Variants in NPAS3 observed in about 807,000 individuals in gnomAD.
NPAS3 encodes the protein neuronal PAS domain-containing protein 3.
Under a neutral mutation model 73.1 loss-of-function variants are expected in NPAS3, and 14 were observed. The observed-to-expected ratio is 0.19, with a 90% CI of 0.13 to 0.30. NPAS3 has a LOEUF of 0.30. NPAS3 is among the 10% of genes least tolerant of loss of function. The pLI, the probability that NPAS3 is intolerant of heterozygous loss-of-function variation, is 1.00. For synonymous variants in NPAS3, 620 were observed against 541.5 expected, an observed-to-expected ratio of 1.14 and a Z score of -2.01; for missense variants, 1,096 against 1,250.0, an observed-to-expected ratio of 0.88 and a Z score of 1.86.
chr14:33,486,802 A>C (rs1303248782), intron 4 of NPAS3, among the ~76,000 whole-genome samples: 2 of 152,108 alleles, frequency 1.3e-5, no homozygotes, highest in Non-Finnish European at 2.9e-5. Context: ...CTAACCTTTA[A>C]ACTATTAGTT....
intron 5 of NPAS3, among the ~76,000 whole-genome samples, chr14:33,660,429 C>T (rs1417661866): frequency 6.6e-6 from 1 of 152,168 alleles, no homozygotes; most frequent in East Asian, 1.9e-4. Flanking sequence ...CAAAAGTTGC[C>T]CGTAAATCCC....
chr14:33,543,946 CATATATATATATAT>C lies in NPAS3; in HGVS notation c.469-16132_469-16119del, dbSNP rs35154724. 6.1e-3 allele frequency among the ~76,000 whole-genome samples: 634 copies of C among 104,728 alleles called. 3 individuals carry two copies. The highest frequency in any genetic ancestry group is 0.01 in the Admixed American group (97 of 9,544). 68.7% of individuals were successfully genotyped at this position (104,728 alleles called of 152,430 possible). A position where few individuals can be genotyped will look rare whatever the true frequency, so the allele number is the denominator to read the frequency against. On this transcript the variant is annotated intron_variant, in intron 4 of 11. Transcript: ENST00000356141. ...CATCTCAGACAGGTATGGCAAAGTG[CATATATATATATAT>C]ATATATATATATATATATATATATA...
At chr14:33,622,873 C>A (rs1325858825) in intron 5 of NPAS3, among the ~76,000 whole-genome samples, 1 of 152,088 alleles carries the variant, frequency 6.6e-6, no homozygotes, top group South Asian at 2.1e-4. Context: ...AGTAATTCTA[C>A]TTGCCCGGCA....
At chr14:33,325,776 C>A (rs900404381) in intron 3 of NPAS3, among the ~76,000 whole-genome samples, 7 of 151,072 alleles carry the variant, frequency 4.6e-5, no homozygotes, top group African/African-American at 1.7e-4. Context: ...TATTTCTGCC[C>A]CCAGCTCCTC....
chr14:33,324,120 A>G (rs2043582696), intron 3 of NPAS3, among the ~76,000 whole-genome samples: 1 of 152,202 alleles, frequency 6.6e-6, no homozygotes, highest in Non-Finnish European at 1.5e-5. Context: ...AGTTTGATAA[A>G]TTAGGAATGA....
At chr14:33,731,714 T>G (rs1000617321) in intron 6 of NPAS3, among the ~76,000 whole-genome samples, 1 of 152,214 alleles carries the variant, frequency 6.6e-6, no homozygotes, top group Admixed American at 6.5e-5. Flanking sequence ...TGGTGGCATT[T>G]GCCAACATAA....
chr14:32,969,398 C>G (rs2037328169), intron 1 of NPAS3, among the ~76,000 whole-genome samples: 1 of 152,044 alleles, frequency 6.6e-6, no homozygotes, highest in African/African-American at 2.4e-5. Flanking sequence ...GCAAACTGTC[C>G]TAGGGACTGA....
At chr14:33,214,491 T>A (rs1314510419) in intron 2 of NPAS3, 8 of 152,244 alleles carry the variant, frequency 5.3e-5, no homozygotes, top group Admixed American at 2.6e-4. Flanking sequence ...TATATTTTAT[T>A]CTCTAGTATC....
chr14:33,596,691 G>A (rs1567040668), intron 5 of NPAS3, among the ~76,000 whole-genome samples: 1 of 152,212 alleles, frequency 6.6e-6, no homozygotes, highest in Non-Finnish European at 1.5e-5. Context: ...TGCACTTGCT[G>A]AGAAGTGGGA....
chr14:33,221,301 C>T (rs2139710361), intron 3 of NPAS3, among the ~76,000 whole-genome samples: 1 of 152,216 alleles, frequency 6.6e-6, no homozygotes, highest in East Asian at 1.9e-4. Context: ...GTGGCACAGA[C>T]CAAAGTCAAG....
At chr14:33,017,328 A>C in intron 1 of NPAS3, among the ~76,000 whole-genome samples, 1 of 152,228 alleles carries the variant, frequency 6.6e-6, no homozygotes, top group East Asian at 1.9e-4. Context: ...TTTTTTAAAA[A>C]AAATGATTAC....
intron 2 of NPAS3, among the ~76,000 whole-genome samples, chr14:33,057,159 C>G (rs2040919460): frequency 6.6e-6 from 1 of 152,156 alleles, no homozygotes; most frequent in South Asian, 2.1e-4. Flanking sequence ...TGTTCCCTAC[C>G]TAGCATGGTT....
chr14:33,681,782 A>G (rs922819348), intron 6 of NPAS3, among the ~76,000 whole-genome samples: 12 of 152,234 alleles, frequency 7.9e-5, no homozygotes, highest in Non-Finnish European at 1.8e-4. Context: ...CTCAAAATTC[A>G]CATGGTGAGT....
intron 1 of NPAS3, among the ~76,000 whole-genome samples, chr14:32,940,547 C>T (rs1234842651): frequency 6.6e-6 from 1 of 152,174 alleles, no homozygotes; most frequent in Non-Finnish European, 1.5e-5. Flanking sequence ...GAAACGTCAC[C>T]CACTGATTCA....
intron 10 of NPAS3, 107 bp downstream of exon 10, chr14:33,794,151 T>A: frequency 1.0e-6 from 1 of 971,608 alleles, no homozygotes; most frequent in Non-Finnish European, 1.5e-6. Context: ...CTTTTGACAG[T>A]ACCTGGTGTG....
chr14:32,938,835 C>A (rs909341005), upstream of NPAS3, among the ~76,000 whole-genome samples: 1 of 143,568 alleles, frequency 7.0e-6, no homozygotes, highest in African/African-American at 2.6e-5. Flanking sequence ...CCGCCTCCCC[C>A]CGCCGCCGCC....
chr14:33,727,363 C>A (rs1311979733), intron 6 of NPAS3, among the ~76,000 whole-genome samples: 1 of 152,012 alleles, frequency 6.6e-6, no homozygotes, highest in African/African-American at 2.4e-5. Flanking sequence ...CTGTGATATG[C>A]GCTAAACAGC....
intron 1 of NPAS3, among the ~76,000 whole-genome samples, chr14:33,016,614 GGAA>G (rs1566468846): frequency 1.4e-5 from 1 of 73,006 alleles, no homozygotes; most frequent in Non-Finnish European, 3.4e-5. Context: ...CAGAAAAAAA[GGAA>G]AAAAAAAAAA....
At chr14:33,643,587 C>G (rs969635158) in intron 5 of NPAS3, among the ~76,000 whole-genome samples, 3 of 152,022 alleles carry the variant, frequency 2.0e-5, no homozygotes, top group African/African-American at 7.2e-5. Flanking sequence ...GTCACTGGTT[C>G]TGAAGGTTGA....
Sources: allele counts gnomAD v4.1 joint callset (sites outside exome capture counted in the v4.1 genomes callset), GRCh38; gene constraint gnomAD v4.1.1; transcripts MANE v1.5; gene names NCBI Gene and HGNC (gene_info 2026-07-23, HGNC 2026-07-21).